Variants in SGCZ observed in about 807,000 individuals in gnomAD.
SGCZ encodes the protein sarcoglycan zeta.
Under a neutral mutation model 41.3 loss-of-function variants are expected in SGCZ, and 40 were observed. The ratio of observed to expected loss-of-function variants is 0.97; its 90% CI spans 0.75 to 1.26. The LOEUF (loss-of-function observed/expected upper bound fraction) is 1.26. Among genes scored for constraint, SGCZ ranks in the 50% most tolerant of loss-of-function variants. The pLI is 0.00. For missense variants in SGCZ, 552 were observed against 369.8 expected, an observed-to-expected ratio of 1.49 and a Z score of -4.04; for synonymous variants, 206 against 137.5, an observed-to-expected ratio of 1.50 and a Z score of -3.49.
chr8:14,873,450 C>A (rs1223882024), intron 1 of SGCZ, among the ~76,000 whole-genome samples: 1 of 152,082 alleles, frequency 6.6e-6, no homozygotes, highest in Non-Finnish European at 1.5e-5. Context: ...TCAGTTACCC[C>A]AGAAGTGATC....
chr8:14,719,475 G>A (rs1809809468), intron 1 of SGCZ, among the ~76,000 whole-genome samples: 1 of 151,410 alleles, frequency 6.6e-6, no homozygotes, highest in South Asian at 2.1e-4. Context: ...CACCAATAGT[G>A]TAAAAGTGTT....
intron 1 of SGCZ, among the ~76,000 whole-genome samples, chr8:14,970,109 C>A (rs766920069): frequency 6.6e-6 from 1 of 152,094 alleles, no homozygotes; most frequent in Admixed American, 6.6e-5. Flanking sequence ...TATGTCATTG[C>A]AGTTTTAATT....
intron 2 of SGCZ, among the ~76,000 whole-genome samples, chr8:14,510,249 G>A (rs1450677025): frequency 1.3e-5 from 2 of 151,972 alleles, no homozygotes; most frequent in African/African-American, 4.8e-5. Context: ...AAAATAAGAG[G>A]CAGACTGGTG....
At chr8:15,158,166 C>CAA (rs34637082) in intron 1 of SGCZ, among the ~76,000 whole-genome samples, 33,784 of 146,964 alleles carry the variant, frequency 0.23, 4,010 homozygotes, top group East Asian at 0.46. Flanking sequence ...TAGTTTGCCA[C>CAA]AAAAAAAAAA....
At chr8:15,089,596 A>G (rs1806075468) in intron 1 of SGCZ, among the ~76,000 whole-genome samples, 1 of 151,952 alleles carries the variant, frequency 6.6e-6, no homozygotes, top group South Asian at 2.1e-4. Context: ...ATAATCAAGA[A>G]CTCTAGCTCC....
intron 1 of SGCZ, among the ~76,000 whole-genome samples, chr8:15,171,503 G>A (rs1203267058): frequency 1.3e-5 from 2 of 152,174 alleles, no homozygotes; most frequent in African/African-American, 4.8e-5. Flanking sequence ...GAGTCCCTGT[G>A]CTCTGAAAAT....
intron 2 of SGCZ, among the ~76,000 whole-genome samples, chr8:14,384,348 C>T (rs1423330173): frequency 6.6e-6 from 1 of 151,960 alleles, no homozygotes; most frequent in Non-Finnish European, 1.5e-5. Flanking sequence ...CTCACAATAG[C>T]AAAGATTTGG....
At chr8:14,917,234 T>G (rs1422720744) in intron 1 of SGCZ, among the ~76,000 whole-genome samples, 9 of 152,270 alleles carry the variant, frequency 5.9e-5, no homozygotes, top group Non-Finnish European at 1.5e-5. Context: ...ATTAATTTTA[T>G]ACAGTGTTCT....
intron 5 of SGCZ, among the ~76,000 whole-genome samples, chr8:14,134,141 T>G (rs1419352835): frequency 6.6e-6 from 1 of 152,240 alleles, no homozygotes; most frequent in Non-Finnish European, 1.5e-5. Context: ...ATTTTACATT[T>G]ACATTTGTAT....
intron 4 of SGCZ, among the ~76,000 whole-genome samples, chr8:14,206,129 T>A (rs891632672): frequency 6.6e-6 from 1 of 152,138 alleles, no homozygotes. Flanking sequence ...TTTTTATGTT[T>A]CTAAGTATGT....
Position 15,213,445 on chromosome 8 carries a change from G to C in SGCZ, c.39+24140C>G, listed in dbSNP as rs540264879. Among the ~76,000 whole-genome samples, 23 of 151,308 alleles carry C rather than the reference G, an allele frequency of 1.5e-4. No individual in the cohort carries two copies. The South Asian group carries it at 4.8e-3, about 32-fold the overall frequency. On this transcript the variant is annotated intron_variant, in intron 1 of 7. Transcript: ENST00000382080. ...AAACATTAAAAAGCCAAATAAAAAAGATGTATATTTGAGAAAAAAATGATT... is the reference window on the plus strand; with the variant it reads ...AAACATTAAAAAGCCAAATAAAAAACATGTATATTTGAGAAAAAAATGATT...
chr8:15,236,979 G>C (rs1375683985), intron 1 of SGCZ, among the ~76,000 whole-genome samples: 1 of 152,200 alleles, frequency 6.6e-6, no homozygotes, highest in African/African-American at 2.4e-5. Context: ...CCCCGGCAGC[G>C]GGGGTACCTC....
At chr8:14,968,402 G>A (rs1231623336) in intron 1 of SGCZ, among the ~76,000 whole-genome samples, 1 of 152,022 alleles carries the variant, frequency 6.6e-6, no homozygotes, top group Non-Finnish European at 1.5e-5. Flanking sequence ...GAATTTTTCA[G>A]GATTTGCTAT....
intron 2 of SGCZ, among the ~76,000 whole-genome samples, chr8:14,495,153 A>G (rs1461669504): frequency 6.6e-6 from 1 of 152,188 alleles, no homozygotes. Flanking sequence ...TTTATCAAAA[A>G]GAAGATAAAG....
intron 1 of SGCZ, among the ~76,000 whole-genome samples, chr8:14,936,865 C>G (rs529463686): frequency 6.6e-6 from 1 of 151,812 alleles, no homozygotes; most frequent in Admixed American, 6.6e-5. Flanking sequence ...TTTAATGGGA[C>G]TATATATCAA....
chr8:14,271,816 A>G (rs769609158), intron 3 of SGCZ, among the ~76,000 whole-genome samples: 41 of 152,160 alleles, frequency 2.7e-4, no homozygotes, highest in Non-Finnish European at 4.4e-4. Flanking sequence ...TGCTTTGTAG[A>G]AACAACTGAA....
At chr8:14,862,290 C>G (rs1486161563) in intron 1 of SGCZ, among the ~76,000 whole-genome samples, 5 of 151,850 alleles carry the variant, frequency 3.3e-5, no homozygotes, top group Non-Finnish European at 7.4e-5. Context: ...GCACCACTTC[C>G]TCCATTTGAG....
chr8:14,898,901 T>C (rs1426874863), intron 1 of SGCZ, among the ~76,000 whole-genome samples: 4 of 152,126 alleles, frequency 2.6e-5, no homozygotes, highest in Admixed American at 2.6e-4. Context: ...GAGAGGAAAA[T>C]TGTTCTGAGA....
At position 14,456,850 on chromosome 8, in the gene SGCZ, C is replaced by T. The variant is rs549131416; in HGVS notation, c.234+97882G>A. ...CTGTCTTTGTGATAGTGACTGAGTT[C>T]TCATAAGATCTGGTGGTTTAAAAGT... is the stretch of plus-strand genomic sequence containing the variant. On this transcript the variant is annotated intron_variant, in intron 2 of 7. Coordinates refer to ENST00000382080, the MANE Select transcript of SGCZ (RefSeq NM_139167.4). Among the ~76,000 whole-genome samples, 122 of 152,212 alleles carry T rather than the reference C, an allele frequency of 8.0e-4. 1 individual carries two copies. In the South Asian group the frequency reaches 8.1e-3, roughly 10 times the overall value.
Sources: gnomAD v4.1 joint callset for allele counts (sites outside exome capture counted in the v4.1 genomes callset) on GRCh38, gnomAD v4.1.1 for gene constraint, MANE v1.5 for transcripts, NCBI Gene and HGNC (gene_info 2026-07-23, HGNC 2026-07-21) for gene names.